Variants in GRAMD4 observed in about 807,000 individuals in gnomAD.
GRAMD4 encodes the protein GRAM domain containing 4.
Under a neutral mutation model 83.9 loss-of-function variants are expected in GRAMD4, and 25 were observed. That is an observed-to-expected ratio of 0.30 (90% CI 0.22 to 0.42). The LOEUF (loss-of-function observed/expected upper bound fraction) is 0.42, where lower values mean the gene tolerates loss of function less well. Ranked by LOEUF, GRAMD4 falls within the 10% of genes least tolerant of loss-of-function variation. The pLI is 1.00. For synonymous variants in GRAMD4, 336 were observed against 320.9 expected (o/e 1.05, Z -0.50); for missense variants, 593 against 788.7 (o/e 0.75, Z 2.97).
At position 46,679,251 on chromosome 22, in the gene GRAMD4, C is replaced by T; in HGVS notation, c.*2000C>T. On this transcript the variant is annotated 3_prime_UTR_variant, in exon 19 of 19. Transcript: ENST00000406902. ...GTCCCCAAACACAGCGGGAGGGGTC[C>T]CTGGGGCAGATGGGGCTTTACCAGC... 1.0e-6 allele frequency: 1 copy of T among 985,510 alleles called. No individual in the cohort carries two copies. The highest frequency in any genetic ancestry group is 1.2e-6 in the Non-Finnish European group (1 of 829,956). 61.0% of individuals were successfully genotyped at this position (985,510 alleles called of 1,614,324 possible). A position where few individuals can be genotyped will look rare whatever the true frequency, so the allele number is the denominator to read the frequency against.
intron 1 of GRAMD4, among the ~76,000 whole-genome samples, chr22:46,625,028 T>C (rs2081634892): frequency 6.6e-6 from 1 of 151,808 alleles, no homozygotes; most frequent in Admixed American, 6.6e-5. Flanking sequence ...GCCCGGCTAA[T>C]TTTTTGTATT....
At position 46,621,534 on chromosome 22, in the gene GRAMD4, T is replaced by G. The variant is rs1326440399; in HGVS notation, c.-50+969T>G. Among the ~76,000 whole-genome samples, 14 of 136,494 alleles carry G rather than the reference T, an allele frequency of 1.0e-4. No individual in the cohort carries two copies. The highest frequency in any genetic ancestry group is 5.0e-4 in the Admixed American group (7 of 13,998). 89.5% of individuals were successfully genotyped at this position (136,494 alleles called of 152,430 possible). Reference sequence around the variant, plus strand: ...GTCGCGGAGGGCACCCCTACCCCGGTGCAGGCGCAGGCTGGAGGCGTAGCC... The same window carrying G: ...GTCGCGGAGGGCACCCCTACCCCGGGGCAGGCGCAGGCTGGAGGCGTAGCC... On this transcript the variant is annotated intron_variant, in intron 1 of 18. Coordinates refer to ENST00000406902, the MANE Select transcript of GRAMD4 (RefSeq NM_015124.5). The surrounding 1 kb of genome is among the most constrained non-coding windows in gnomAD (Gnocchi z 5.8).
At chr22:46,616,375 TGTGTAGGTTCCCCTGTGC>T (rs2081493830), upstream of GRAMD4, among the ~76,000 whole-genome samples, 1 of 96,262 alleles carries the variant, frequency 1.0e-5, no homozygotes, top group Non-Finnish European at 2.2e-5. Flanking sequence ...CGTTCCCCTG[TGTGTAGGTTCCCCTGTGC>T]GTGTAGGTTC....
At chr22:46,591,964 G>T (rs2081214370) in intron 1 of GRAMD4, among the ~76,000 whole-genome samples, 1 of 145,062 alleles carries the variant, frequency 6.9e-6, no homozygotes, top group Admixed American at 6.9e-5. Flanking sequence ...CCCAGCCCAG[G>T]ACTGGTGTGT....
chr22:46,633,206 G>C (rs1013921830), intron 2 of GRAMD4, among the ~76,000 whole-genome samples: 1 of 152,178 alleles, frequency 6.6e-6, no homozygotes, highest in Non-Finnish European at 1.5e-5. Flanking sequence ...GGGGCCCCCA[G>C]CTGCCCTGGT....
At chr22:46,628,939 T>C (rs934718032) in intron 2 of GRAMD4, among the ~76,000 whole-genome samples, 4 of 151,816 alleles carry the variant, frequency 2.6e-5, no homozygotes, top group Admixed American at 2.6e-4. Context: ...GGACCAGCTC[T>C]GGTGGGCAGG....
At chr22:46,581,736 AC>A in intron 1 of GRAMD4, among the ~76,000 whole-genome samples, 1 of 152,366 alleles carries the variant, frequency 6.6e-6, no homozygotes, top group South Asian at 2.1e-4. Flanking sequence ...GCACAGAGCC[AC>A]AGGTTGCTGC....
intron 2 of GRAMD4, among the ~76,000 whole-genome samples, chr22:46,628,395 G>A (rs2081704901): frequency 1.3e-5 from 2 of 152,118 alleles, no homozygotes; most frequent in Non-Finnish European, 2.9e-5. Flanking sequence ...TCCTGCCCAT[G>A]CTGGTCAGAG....
intron 1 of GRAMD4, among the ~76,000 whole-genome samples, chr22:46,586,397 G>C (rs922806890): frequency 2.0e-5 from 3 of 151,984 alleles, no homozygotes; most frequent in African/African-American, 7.2e-5. Context: ...GCCGGGTGAT[G>C]CTGGCTCGGA....
intron 1 of GRAMD4, among the ~76,000 whole-genome samples, chr22:46,600,235 G>T (rs2081299500): frequency 6.6e-6 from 1 of 152,192 alleles, no homozygotes; most frequent in Non-Finnish European, 1.5e-5. Context: ...CCAGTGGTGG[G>T]ATGTGGGCCA....
chr22:46,626,437 T>C (rs949761391), intron 1 of GRAMD4, among the ~76,000 whole-genome samples: 1 of 152,200 alleles, frequency 6.6e-6, no homozygotes, highest in Admixed American at 6.5e-5. Flanking sequence ...GGGGCCTCGC[T>C]TGGTGGGAGG....
Position 46,677,394 on chromosome 22 carries a change from TGACCTCTGCG to T in GRAMD4, c.*144_*153del. 7.1e-7 allele frequency: 1 copy of T among 1,401,534 alleles called. No individual in the cohort carries two copies. Among genetic ancestry groups the T allele is most frequent in the African/African-American group, 1.4e-5 (1 of 69,280 alleles). 86.8% of individuals were successfully genotyped at this position (1,401,534 alleles called of 1,614,324 possible). A position where few individuals can be genotyped will look rare whatever the true frequency, so the allele number is the denominator to read the frequency against. ...TCCTGGACCTGTGGTTCTATTGTGT[TGACCTCTGCG>T]TTTTATCGACCAAGAAGGGGCCAGG... On this transcript the variant is annotated 3_prime_UTR_variant, in exon 19 of 19. Coordinates refer to ENST00000406902, the MANE Select transcript of GRAMD4 (RefSeq NM_015124.5).
Position 46,661,461 on chromosome 22 carries a change from G to T in GRAMD4, c.466+19G>T. The stretch of plus-strand genomic sequence containing the variant: ...GGAGCAGGTACACCCTGGTGGGCGG[G>T]TGGACAGGCAGGCGGGCGGGTGGGT... On this transcript the variant is annotated intron_variant, in intron 5 of 18. Transcript: ENST00000406902. 1 of 1,573,018 alleles carries T rather than the reference G, an allele frequency of 6.4e-7. No homozygotes were observed.
chr22:46,645,599 CAG>C (rs1447917024), intron 3 of GRAMD4, among the ~76,000 whole-genome samples: 8 of 152,194 alleles, frequency 5.3e-5, no homozygotes, highest in Admixed American at 1.3e-4. Context: ...TCTCAGAAAG[CAG>C]AGTGTTACTC....
At chr22:46,600,195 GCAGCTGT>G (rs1569252600) in intron 1 of GRAMD4, among the ~76,000 whole-genome samples, 1 of 152,154 alleles carries the variant, frequency 6.6e-6, no homozygotes, top group East Asian at 1.9e-4. Flanking sequence ...ACCAGTGCCC[GCAGCTGT>G]CACCTGGAGC....
At chr22:46,616,381 G>T (rs201731219), upstream of GRAMD4, among the ~76,000 whole-genome samples, 1 of 28,436 alleles carries the variant, frequency 3.5e-5, no homozygotes, top group Non-Finnish European at 7.3e-5. Flanking sequence ...CCTGTGTGTA[G>T]GTTCCCCTGT....
At chr22:46,653,074 CAG>C (rs1213387336) in intron 3 of GRAMD4, among the ~76,000 whole-genome samples, 1 of 152,236 alleles carries the variant, frequency 6.6e-6, no homozygotes, top group Admixed American at 6.5e-5. Context: ...GAGCAGCGGT[CAG>C]ACGCTCCAGC....
chr22:46,678,587 A>G lies in GRAMD4; in HGVS notation c.*1336A>G. ...GCGTGTCTGCTGGGGCGGATCCCGC[A>G]GCTCCCTCAGCTTGTCCTGAGTCCC... On this transcript the variant is annotated 3_prime_UTR_variant, in exon 19 of 19. Coordinates refer to ENST00000406902, the MANE Select transcript of GRAMD4 (RefSeq NM_015124.5). The G allele has an allele frequency of 3.0e-6, 3 of 985,508 alleles. No individual in the cohort carries two copies. The highest frequency in any genetic ancestry group is 3.6e-6 in the Non-Finnish European group (3 of 829,956). The allele number at this position is 985,508 out of a possible 1,614,324, so 61.0% of individuals were successfully genotyped here. A position where few individuals can be genotyped will look rare whatever the true frequency, so the allele number is the denominator to read the frequency against.
rs1402170128 is a variant in GRAMD4 at position 46,646,612 on chromosome 22, T to C, written c.283+8652T>C. On this transcript the variant is annotated intron_variant, in intron 3 of 18. Coordinates refer to ENST00000406902, the MANE Select transcript of GRAMD4 (RefSeq NM_015124.5). ...GCGGGGGTGTCCTTTTGAGGCCTGATGGAGACAGGCTTAGGTGTGGGGTTG... is the reference window on the plus strand; with the variant it reads ...GCGGGGGTGTCCTTTTGAGGCCTGACGGAGACAGGCTTAGGTGTGGGGTTG... Among the ~76,000 whole-genome samples the C allele has an allele frequency of 4.6e-5, 7 of 152,176 alleles. No individual in the cohort carries two copies. In the East Asian group the frequency reaches 1.3e-3, roughly 29 times the overall value.
Sources: allele counts gnomAD v4.1 joint callset (sites outside exome capture counted in the v4.1 genomes callset), GRCh38; gene constraint gnomAD v4.1.1; non-coding constraint Gnocchi (gnomAD v3.1); transcripts MANE v1.5; gene names NCBI Gene and HGNC (gene_info 2026-07-23, HGNC 2026-07-21).